Variants in LMTK3 observed in about 807,000 individuals in gnomAD.
LMTK3 encodes the protein lemur tail kinase 3, also known as serine/threonine-protein kinase LMTK3.
In LMTK3, 27 loss-of-function variants were observed where a neutral mutation model predicts 116.7. The ratio of observed to expected loss-of-function variants is 0.23; its 90% CI spans 0.17 to 0.32. LMTK3 has a LOEUF of 0.32. Ranked by LOEUF, LMTK3 falls within the 10% of genes least tolerant of loss-of-function variation. The pLI is 1.00. For missense variants in LMTK3, 1,764 were observed against 2,068.5 expected, an observed-to-expected ratio of 0.85 and a Z score of 2.86; for synonymous variants, 965 against 971.0, an observed-to-expected ratio of 0.99 and a Z score of 0.11.
chr19:48,501,239 C>T (rs1474007688), intron 9 of LMTK3, 44 bp downstream of exon 9: 2 of 1,609,394 alleles, frequency 1.2e-6, no homozygotes, highest in Non-Finnish European at 1.7e-6. Flanking sequence ...GTAACCCTTC[C>T]ACCTTCCTGG....
In LMTK3 at chr19:48,499,793, G is replaced by A. The variant is rs1168987544; in HGVS notation, c.1276C>T (p.Pro426Ser). The part of the protein sequence containing the change: ...PPRPPPPPPP[P>S]RDGPFPWPWP... ...GGCCAGGGGAAGGGACCGTCTCGGG[G>A]TGGGGGTGGCGGCGGTGGGGGCCGG... The change falls in exon 11 of 15, where the codon CCC becomes TCC. Residue 426 changes from proline (P) to serine (S), a missense_variant. This residue lies in a region of LMTK3 where 63 missense variants were observed against 65.0 expected (regional missense o/e 0.97). Coordinates refer to ENST00000600059, the MANE Select transcript of LMTK3 (RefSeq NM_001388485.1). The A allele has an allele frequency of 7.8e-6, 12 of 1,532,082 alleles. No homozygotes were observed. The East Asian group carries it at 3.0e-4, about 38-fold the overall frequency. The allele number at this position is 1,532,082 out of a possible 1,614,324, so 94.9% of individuals were successfully genotyped here. A position where few individuals can be genotyped will look rare whatever the true frequency, so the allele number is the denominator to read the frequency against.
Position 48,498,815 on chromosome 19 carries a change from CG to C in LMTK3, c.2253del (p.Ala752LeufsTer106). The C allele has an allele frequency of 2.1e-6, 1 of 477,450 alleles. No homozygotes were observed. Among genetic ancestry groups the C allele is most frequent in the Non-Finnish European group, 3.1e-6 (1 of 325,528 alleles). 29.6% of individuals were successfully genotyped at this position (477,450 alleles called of 1,614,324 possible). ...APQYPGRGPPPAPPPPPPPPR... is the reference protein window; with the variant it reads ...APQYPGRGPPXAPPPPPPPPR... ...GGAGGTGGCGGCGGGGGGGGGGGAG[CG>C]GGAGGTGGCCCCCGCCCGGGGTACT... On this transcript the variant is annotated frameshift_variant, in exon 11 of 15. Coordinates refer to ENST00000600059, the MANE Select transcript of LMTK3 (RefSeq NM_001388485.1). LOFTEE classifies it high-confidence loss of function.
At position 48,499,373 on chromosome 19, in the gene LMTK3, C is replaced by A. The variant is rs576579711; in HGVS notation, c.1696G>T (p.Ala566Ser). 3 of 1,418,296 alleles carry A rather than the reference C, an allele frequency of 2.1e-6. No homozygotes were observed. Among genetic ancestry groups the A allele is most frequent in the South Asian group, 3.1e-5 (2 of 65,042 alleles). The allele number at this position is 1,418,296 out of a possible 1,614,324, so 87.9% of individuals were successfully genotyped here. The change falls in exon 11 of 15, where the codon GCC becomes TCC. Residue 566 changes from alanine to serine, a missense_variant. This residue lies in a region of LMTK3 where 1,028 missense variants were observed against 1,050.6 expected (regional missense o/e 0.98). Coordinates refer to ENST00000600059, the MANE Select transcript of LMTK3 (RefSeq NM_001388485.1). ...GAGGGGGCCTGGGGGGCCTGAGGGG[C>A]GGGCACTCCTGGGTCCAGGGGGTCC... ...DWDPLDPGVP[A>S]PQAPQAPSEV...
Position 48,498,951 on chromosome 19 carries a change from G to C in LMTK3, c.2118C>G (p.Asp706Glu). Residue 706 changes from aspartate to glutamate, a missense_variant, in exon 11 of 15, where the codon GAC (aspartate) becomes GAG (glutamate). Physicochemically the swap from Asp to Glu is conservative, Grantham distance 45. This residue lies in a region of LMTK3 where 1,028 missense variants were observed against 1,050.6 expected (regional missense o/e 0.98). Coordinates refer to ENST00000600059, the MANE Select transcript of LMTK3 (RefSeq NM_001388485.1). Reference sequence around the variant, plus strand: ...CCCGCTCTGCCCGCAGCGAGGAGTCGTCCTCGGGGGGGTGGGGGCAGCCAA... The same window carrying C: ...CCCGCTCTGCCCGCAGCGAGGAGTCCTCCTCGGGGGGGTGGGGGCAGCCAA... Reference protein sequence around the residue: ...PALGCPHPPEDDSSLRAERGS... With the variant: ...PALGCPHPPEEDSSLRAERGS... The C allele has an allele frequency of 7.7e-7, 1 of 1,294,136 alleles. No individual in the cohort carries two copies. Among genetic ancestry groups the C allele is most frequent in the Non-Finnish European group, 9.8e-7 (1 of 1,023,434 alleles). The allele number at this position is 1,294,136 out of a possible 1,614,324, so 80.2% of individuals were successfully genotyped here. A position where few individuals can be genotyped will look rare whatever the true frequency, so the allele number is the denominator to read the frequency against.
Position 48,493,870 on chromosome 19 carries a change from C to T in LMTK3, c.3916G>A (p.Ala1306Thr). The T allele has an allele frequency of 8.4e-7, 1 of 1,190,848 alleles. No individual in the cohort carries two copies. The highest frequency in any genetic ancestry group is 1.0e-6 in the Non-Finnish European group (1 of 962,530). 73.8% of individuals were successfully genotyped at this position (1,190,848 alleles called of 1,614,324 possible). Residue 1306 changes from alanine to threonine, a missense_variant, in exon 12 of 15, where the codon GCG becomes ACG. Physicochemically the swap from Ala to Thr is moderately conservative, Grantham distance 58 (BLOSUM62 0). Around this residue, in one of 7 missense-constraint regions of LMTK3, gnomAD observed 281 missense variants for 301.4 expected, o/e 0.93. Transcript: ENST00000600059. ...AAAGPRGPGR[A>T]RAAPVPVVVS... The stretch of plus-strand genomic sequence containing the variant: ...ACGACGGGCACCGGGGCTGCTCGCG[C>T]CCTCCCGGGGCCCCGCGGCCCCGCC...
upstream of LMTK3, chr19:48,511,903 G>A (rs1972671307): frequency 7.0e-6 from 2 of 287,468 alleles, no homozygotes; most frequent in Non-Finnish European, 1.3e-5. Flanking sequence ...CCAGGATTGG[G>A]GGAGCAGAGA....
chr19:48,511,365 G>A, intron 1 of LMTK3, 136 bp downstream of exon 1: 1 of 184,742 alleles, frequency 5.4e-6, no homozygotes, highest in Non-Finnish European at 1.1e-5. Flanking sequence ...CGTCCCCGCC[G>A]CTCCGGGCCC....
At position 48,491,467 on chromosome 19, in the gene LMTK3, G is replaced by C; in HGVS notation, c.4165C>G (p.Pro1389Ala). 1 of 1,417,912 alleles carries C rather than the reference G, an allele frequency of 7.1e-7. No individual in the cohort carries two copies. Among genetic ancestry groups the C allele is most frequent in the South Asian group, 1.6e-5 (1 of 63,842 alleles). 87.8% of individuals were successfully genotyped at this position (1,417,912 alleles called of 1,614,324 possible). A position where few individuals can be genotyped will look rare whatever the true frequency, so the allele number is the denominator to read the frequency against. ...GDTDPSTPPA[P>A]PTPPHPATPG... is the part of the protein sequence containing the mutation. ...GTGGCGGGGTGGGGAGGTGTCGGGG[G>C]CGCTGGAGGCGTTGACGGGTCCGTG... The change falls in exon 13 of 15, where the codon CCC (proline) becomes GCC (alanine). Residue 1389 changes from proline (P) to alanine (A), a missense_variant. By Grantham distance (27) the Pro-to-Ala change is conservative. Coordinates refer to ENST00000600059, the MANE Select transcript of LMTK3 (RefSeq NM_001388485.1). The surrounding 1 kb of genome is among the most constrained non-coding windows in gnomAD (Gnocchi z 5.1).
rs1327060953 is a variant in LMTK3 at position 48,494,263 on chromosome 19, G to T, written c.3677-154C>A. Among the ~76,000 whole-genome samples, 2 of 152,190 alleles carry T rather than the reference G, an allele frequency of 1.3e-5. No individual in the cohort carries two copies. Among genetic ancestry groups the T allele is most frequent in the Non-Finnish European group, 2.9e-5 (2 of 68,020 alleles). On this transcript the variant is annotated intron_variant, in intron 11 of 14. Coordinates refer to ENST00000600059, the MANE Select transcript of LMTK3 (RefSeq NM_001388485.1). The surrounding 1 kb of genome is among the most constrained non-coding windows in gnomAD (Gnocchi z 4.0). ...GGCTGCACCAGGGCTTCTCCAGGCA[G>T]GGTGGGAAAGGTCCTCTCCAGTGCT... is the stretch of plus-strand genomic sequence containing the variant.
rs760321081 is a variant in LMTK3, at chr19:48,498,594, G to C, written c.2475C>G (p.Pro825=). The part of the protein sequence containing the change: ...EEGVPRPRAP[P]EPPDPGAPRP... ...GGGGCGCTCCTGGGTCGGGTGGCTC[G>C]GGGGGAGCCCGCGGCCGAGGGACCC... Residue 825 remains proline, a synonymous_variant, in exon 11 of 15, where the codon CCC becomes CCG. Coordinates refer to ENST00000600059, the MANE Select transcript of LMTK3 (RefSeq NM_001388485.1). 9.0e-6 allele frequency: 14 copies of C among 1,549,180 alleles called. No homozygotes were observed. The South Asian group carries it at 1.1e-4, about 12-fold the overall frequency.
At chr19:48,513,138 A>G (rs1972689255), upstream of LMTK3, 1 of 1,599,140 alleles carries the variant, frequency 6.3e-7, no homozygotes, top group South Asian at 1.1e-5. The surrounding 1 kb of genome is among the most constrained non-coding windows in gnomAD (Gnocchi z 5.6). Flanking sequence ...GCAAATACCC[A>G]CGTTTCCCGT....
Position 48,502,979 on chromosome 19 carries a change from T to C in LMTK3, c.575A>G (p.Asn192Ser), listed in dbSNP as rs1303362724. The C allele has an allele frequency of 6.2e-7, 1 of 1,612,510 alleles. No homozygotes were observed. The highest frequency in any genetic ancestry group is 8.5e-7 in the Non-Finnish European group (1 of 1,179,034). ...AQPYRSLQHP[N>S]VLQCLGLCVE... ...GCACAGACCCAGGCACTGGAGGACA[T>C]TGGGGTGCTGCAGGCTCCTGTGGAG... Residue 192 changes from asparagine (N) to serine (S), a missense_variant, in exon 6 of 15, where the codon AAT becomes AGT. By Grantham distance (46) the Asn-to-Ser change is conservative. Transcript: ENST00000600059.
In LMTK3 at chr19:48,511,766, A is replaced by C. The variant is rs1972667974; in HGVS notation, c.-190T>G. 1.5e-5 allele frequency: 3 copies of C among 198,252 alleles called. No homozygotes were observed. In the East Asian group the frequency reaches 3.3e-4, roughly 22 times the overall value. 12.3% of individuals were successfully genotyped at this position (198,252 alleles called of 1,614,324 possible). On this transcript the variant is annotated 5_prime_UTR_variant, in exon 1 of 15. Coordinates refer to ENST00000600059, the MANE Select transcript of LMTK3 (RefSeq NM_001388485.1). ...CAGGTACCCCCCTCCCCCTCTTTGAAGGGACAGACGGATGAAGGGATGGAG... is the reference window on the plus strand; with the variant it reads ...CAGGTACCCCCCTCCCCCTCTTTGACGGGACAGACGGATGAAGGGATGGAG...
Position 48,509,431 on chromosome 19 carries a change from A to G in LMTK3, c.438+6T>C. The G allele has an allele frequency of 1.2e-5, 19 of 1,551,572 alleles. No individual in the cohort carries two copies. The highest frequency in any genetic ancestry group is 1.6e-5 in the Non-Finnish European group (18 of 1,147,168). ...GAGCCCTGCCTCCCCTCCCCAGCCC[A>G]CTCACCTTCCCAAACCAGCCACTCC... On this transcript the variant is annotated splice_donor_region_variant and intron_variant, in intron 4 of 14. Transcript: ENST00000600059.
chr19:48,512,752 T>C (rs1444949762), upstream of LMTK3, among the ~76,000 whole-genome samples: 2 of 151,840 alleles, frequency 1.3e-5, no homozygotes, highest in Non-Finnish European at 2.9e-5. Context: ...ACACACTACA[T>C]ACACATGCAT....
rs1643478 is a variant in LMTK3, at chr19:48,498,371, C to G, written c.2698G>C (p.Val900Leu). 1,868 of 1,612,860 alleles carry G rather than the reference C, an allele frequency of 1.2e-3. 20 individuals carry two copies. In the African/African-American group the frequency reaches 0.021, roughly 18 times the overall value. Residue 900 changes from valine (V) to leucine (L), a missense_variant, in exon 11 of 15, where the codon GTC (valine) becomes CTC (leucine). Val to Leu is a conservative substitution (Grantham distance 32, BLOSUM62 1). Coordinates refer to ENST00000600059, the MANE Select transcript of LMTK3 (RefSeq NM_001388485.1). ...GTCGGGTCCCTGTTCAGGCCCGGGA[C>G]TTTCTCTCTGTTCCCGGGGCCTCTC... ...AGRGPGNREKVPGLNRDPTVL... is the reference protein window; with the variant it reads ...AGRGPGNREKLPGLNRDPTVL...
Position 48,497,616 on chromosome 19 carries a change from T to C in LMTK3, c.3453A>G (p.Pro1151=), listed in dbSNP as rs1013027011. The C allele has an allele frequency of 3.1e-6, 4 of 1,300,228 alleles. No homozygotes were observed. The South Asian group carries it at 7.0e-5, about 23-fold the overall frequency. 80.5% of individuals were successfully genotyped at this position (1,300,228 alleles called of 1,614,324 possible). A position where few individuals can be genotyped will look rare whatever the true frequency, so the allele number is the denominator to read the frequency against. ...TRPQPPPPPL[P]PPPEAQPRRL... ...TCCTCGGCTGTGCCTCCGGTGGCGG[T>C]GGCAGCGGTGGCGGCGGTGGCTGCG... The change falls in exon 11 of 15, where the codon CCA becomes CCG. Residue 1151 remains proline, a synonymous_variant. Coordinates refer to ENST00000600059, the MANE Select transcript of LMTK3 (RefSeq NM_001388485.1). The surrounding 1 kb of genome is among the most constrained non-coding windows in gnomAD (Gnocchi z 5.7).
chr19:48,492,590 T>A (rs1972245002), intron 12 of LMTK3, among the ~76,000 whole-genome samples: 1 of 152,074 alleles, frequency 6.6e-6, no homozygotes, highest in East Asian at 1.9e-4. Context: ...GACTGCCTGC[T>A]CCATCTCTGA....
chr19:48,497,366 C>T lies in LMTK3; in HGVS notation c.3676+27G>A, dbSNP rs767649965. On this transcript the variant is annotated intron_variant, in intron 11 of 14. Transcript: ENST00000600059. The surrounding 1 kb of genome is among the most constrained non-coding windows in gnomAD (Gnocchi z 5.7). ...GCCTCGGAAACAGCCGGACCTCAGC[C>T]CTGACTGTGCCCCGCAGCCTCCTCA... 6.2e-6 allele frequency: 9 copies of T among 1,449,942 alleles called. No homozygotes were observed. The highest frequency in any genetic ancestry group is 2.7e-6 in the Non-Finnish European group (3 of 1,099,308). The allele number at this position is 1,449,942 out of a possible 1,614,324, so 89.8% of individuals were successfully genotyped here. A position where few individuals can be genotyped will look rare whatever the true frequency, so the allele number is the denominator to read the frequency against.
Sources: gnomAD v4.1 joint callset for allele counts (sites outside exome capture counted in the v4.1 genomes callset) on GRCh38, gnomAD v4.1.1 for gene constraint, gnomAD v4.1.1 regional missense constraint, Gnocchi (gnomAD v3.1) non-coding constraint, MANE v1.5 for transcripts, NCBI Gene and HGNC (gene_info 2026-07-23, HGNC 2026-07-21) for gene names.